The following LRP1B variants were observed in gnomAD, a reference collection of about 807,000 sequenced individuals.
The protein encoded by LRP1B is LDL receptor related protein 1B, also known as low-density lipoprotein receptor-related protein 1B.
A neutral mutation model predicts 556.6 loss-of-function variants in LRP1B; 217 were observed. That is an observed-to-expected ratio of 0.39 (90% CI 0.35 to 0.44). The LOEUF (loss-of-function observed/expected upper bound fraction) is 0.44. Among genes scored for constraint, LRP1B ranks in the 20% least tolerant of loss-of-function variants. The pLI is 1.00. For synonymous variants in LRP1B, 2,047 were observed against 1,865.8 expected, an observed-to-expected ratio of 1.10 and a Z score of -2.50; for missense variants, 5,053 against 5,620.8, an observed-to-expected ratio of 0.90 and a Z score of 3.23.
chr2:141,285,349 A>C (rs928840200), intron 3 of LRP1B, among the ~76,000 whole-genome samples: 9 of 151,678 alleles, frequency 5.9e-5, no homozygotes, highest in African/African-American at 1.9e-4. Context: ...GGCCTCCCAA[A>C]GTGCTGGGAT....
At chr2:141,607,668 C>T (rs59843588) in intron 2 of LRP1B, among the ~76,000 whole-genome samples, 3,985 of 152,176 alleles carry the variant, frequency 0.026, 165 homozygotes, top group African/African-American at 0.089. Context: ...CCTGTAATTC[C>T]AGCACTTTGG....
chr2:140,349,600 G>C (rs1446075490), intron 77 of LRP1B, among the ~76,000 whole-genome samples: 1 of 151,926 alleles, frequency 6.6e-6, no homozygotes, highest in Non-Finnish European at 1.5e-5. Context: ...TTGAAATAGA[G>C]AGTACCAAGA....
chr2:140,453,335 A>C (rs143957887), intron 62 of LRP1B, among the ~76,000 whole-genome samples: 226 of 152,076 alleles, frequency 1.5e-3, no homozygotes, highest in African/African-American at 5.3e-3. Context: ...CATGTTAATC[A>C]ATATTTTATT....
intron 10 of LRP1B, 42 bp downstream of exon 10, chr2:141,055,074 A>G (rs1037484914): frequency 6.2e-7 from 1 of 1,605,178 alleles, no homozygotes; most frequent in Non-Finnish European, 8.5e-7. Flanking sequence ...ATCCTATTCT[A>G]AAGGGGTAGC....
intron 12 of LRP1B, among the ~76,000 whole-genome samples, chr2:141,019,584 A>G (rs536486715): frequency 3.3e-5 from 5 of 152,214 alleles, no homozygotes; most frequent in African/African-American, 1.2e-4. Context: ...AAATTTCAAT[A>G]GCCTTTAAAA....
chr2:141,264,556 G>A (rs1422009943), intron 3 of LRP1B, among the ~76,000 whole-genome samples: 1 of 152,078 alleles, frequency 6.6e-6, no homozygotes, highest in Non-Finnish European at 1.5e-5. Flanking sequence ...CCGGCTTCAA[G>A]CAATTCTCCT....
At chr2:141,266,310 C>T (rs1454745604) in intron 3 of LRP1B, among the ~76,000 whole-genome samples, 18 of 132,772 alleles carry the variant, frequency 1.4e-4, no homozygotes, top group South Asian at 7.0e-4. Flanking sequence ...AGTGATGGAG[C>T]GAGACTCTGT....
In LRP1B at chr2:140,526,298, T is replaced by G. The variant is rs754621563; in HGVS notation, c.7815A>C (p.Pro2605=). The stretch of plus-strand genomic sequence containing the variant: ...TGTTCTGGTTGCATCGTGCTGATCT[T>G]GGAATACAAGTCCCATCTGCACAGC... ...EFRCADGTCI[P]RSARCNQNID... is the part of the protein sequence containing the mutation. Residue 2605 remains proline (P), a synonymous_variant, in exon 48 of 91, where the codon CCA becomes CCC. Transcript: ENST00000389484. 2 of 1,612,100 alleles carry G rather than the reference T, an allele frequency of 1.2e-6. No homozygotes were observed. The highest frequency in any genetic ancestry group is 1.7e-6 in the Non-Finnish European group (2 of 1,178,692).
At position 140,472,023 on chromosome 2, in the gene LRP1B, T is replaced by G. The variant is rs372432032; in HGVS notation, c.9625+3115A>C. On this transcript the variant is annotated intron_variant, in intron 60 of 90. Coordinates refer to ENST00000389484, the MANE Select transcript of LRP1B (RefSeq NM_018557.3). ...AAACTGCTCAAAGATTTTCCCACTT[T>G]AGCAGTCTTCAGTACTGCTGCATGC... Among the ~76,000 whole-genome samples, 12 of 152,318 alleles carry G rather than the reference T, an allele frequency of 7.9e-5. No individual in the cohort carries two copies. In the East Asian group the frequency reaches 2.3e-3, roughly 29 times the overall value.
At chr2:140,475,617 T>C (rs531740150) in intron 59 of LRP1B, among the ~76,000 whole-genome samples, 64 of 151,526 alleles carry the variant, frequency 4.2e-4, no homozygotes, top group Non-Finnish European at 5.9e-5. Context: ...TAACCAATTA[T>C]AGATGTTCAA....
At chr2:141,753,247 A>ACACT (rs1694184493) in intron 2 of LRP1B, among the ~76,000 whole-genome samples, 1 of 48,818 alleles carries the variant, frequency 2.0e-5, no homozygotes, top group East Asian at 5.9e-4. Flanking sequence ...AAACACACAC[A>ACACT]CTCTCTCTCT....
intron 90 of LRP1B, among the ~76,000 whole-genome samples, chr2:140,233,879 T>G (rs1250780310): frequency 6.6e-6 from 1 of 151,286 alleles, no homozygotes; most frequent in Non-Finnish European, 1.5e-5. Flanking sequence ...TTAGAAATAT[T>G]TTTGGACTTT....
chr2:141,212,342 C>G (rs1446282701), intron 6 of LRP1B, among the ~76,000 whole-genome samples: 1 of 133,296 alleles, frequency 7.5e-6, no homozygotes, highest in Non-Finnish European at 1.5e-5. Flanking sequence ...GCAGTGGCAC[C>G]ATCTCGGCTC....
intron 86 of LRP1B, chr2:140,269,200 A>C: frequency 2.2e-6 from 1 of 457,622 alleles, no homozygotes; most frequent in Non-Finnish European, 4.5e-6. Flanking sequence ...TTCATGATTT[A>C]AACCAATGAA....
chr2:141,432,878 T>C (rs912551815), intron 3 of LRP1B, among the ~76,000 whole-genome samples: 21 of 152,148 alleles, frequency 1.4e-4, no homozygotes, highest in African/African-American at 4.6e-4. Flanking sequence ...TGATCTTCTC[T>C]CTCTTTTTCA....
Position 142,016,116 on chromosome 2 carries a change from G to A in LRP1B, c.82+114532C>T, listed in dbSNP as rs549501855. Among the ~76,000 whole-genome samples, 18 of 150,198 alleles carry A rather than the reference G, an allele frequency of 1.2e-4. No individual in the cohort carries two copies. The East Asian group carries it at 2.2e-3, about 18-fold the overall frequency. ...CACTGGTCATTAGAGAAATGCAAAT[G>A]AAAACCACAATGAGATACCATCTCA... On this transcript the variant is annotated intron_variant, in intron 1 of 90. Transcript: ENST00000389484.
intron 9 of LRP1B, among the ~76,000 whole-genome samples, chr2:141,058,350 C>T (rs1314356231): frequency 6.6e-6 from 1 of 151,684 alleles, no homozygotes. Context: ...ATGATTGAAC[C>T]TAAATTGTAT....
At chr2:140,367,888 T>A (rs1260160525) in intron 71 of LRP1B, among the ~76,000 whole-genome samples, 2 of 151,852 alleles carry the variant, frequency 1.3e-5, no homozygotes, top group Non-Finnish European at 2.9e-5. Flanking sequence ...ATCAGTCTTG[T>A]TAAAAAATGA....
At chr2:141,449,305 T>C (rs1360801442) in intron 3 of LRP1B, among the ~76,000 whole-genome samples, 2 of 152,216 alleles carry the variant, frequency 1.3e-5, no homozygotes, top group Non-Finnish European at 2.9e-5. Flanking sequence ...GTTATGACTC[T>C]TGAAATTGGC....
Sources: gnomAD v4.1 joint callset for allele counts (sites outside exome capture counted in the v4.1 genomes callset) on GRCh38, gnomAD v4.1.1 for gene constraint, MANE v1.5 for transcripts, NCBI Gene and HGNC (gene_info 2026-07-23, HGNC 2026-07-21) for gene names.